Variants in GAB3 observed in about 807,000 individuals in gnomAD.
GAB3 encodes GRB2 associated binding protein 3.
Under a neutral mutation model 40.4 loss-of-function variants are expected in GAB3, and 12 were observed. The observed-to-expected ratio is 0.30, with a 90% CI of 0.19 to 0.48. The LOEUF (loss-of-function observed/expected upper bound fraction) is 0.48, where lower values mean the gene tolerates loss of function less well. Among genes scored for constraint, GAB3 ranks in the 20% least tolerant of loss-of-function variants. The pLI is 0.99. For missense variants in GAB3, 381 were observed against 461.9 expected, an observed-to-expected ratio of 0.82 and a Z score of 1.61; for synonymous variants, 154 against 176.7, an observed-to-expected ratio of 0.87 and a Z score of 1.02.
intron 1 of GAB3, among the ~76,000 whole-genome samples, chrX:154,739,767 C>T (rs2071411054): frequency 8.9e-6 from 1 of 111,844 alleles, no homozygotes; most frequent in Non-Finnish European, 1.9e-5. Flanking sequence ...GACTGCATTA[C>T]CTATTTGGTA....
In GAB3 at chrX:154,681,142, T is replaced by C. The variant is rs2070368181; in HGVS notation, c.1531-894A>G. Among the ~76,000 whole-genome samples, 3 of 112,267 alleles carry C rather than the reference T, an allele frequency of 2.7e-5. No individual in the cohort carries two copies. In the South Asian group the frequency reaches 1.1e-3, roughly 41 times the overall value. ...AATAGAATCACTGGGTTATAGGATA[T>C]GAGTATCTTCAACTTTACTAAATAT... On this transcript the variant is annotated intron_variant, in intron 8 of 9. Coordinates refer to ENST00000424127, the MANE Select transcript of GAB3 (RefSeq NM_001081573.3).
Position 154,716,132 on chromosome X carries a change from A to G in GAB3, c.270T>C (p.Thr90=). The part of the protein sequence containing the change: ...FQNNFVFIVK[T]TSRTFYLVAK... ...CCACCAGGTAGAATGTACGGGAAGTAGTCTTGACAATGAACACGAAATTAT... is the reference window on the plus strand; with the variant it reads ...CCACCAGGTAGAATGTACGGGAAGTGGTCTTGACAATGAACACGAAATTAT... Residue 90 remains threonine (T), a synonymous_variant, in exon 2 of 10, where the codon ACT becomes ACC. Coordinates refer to ENST00000424127, the MANE Select transcript of GAB3 (RefSeq NM_001081573.3). 2.5e-6 allele frequency: 3 copies of G among 1,212,002 alleles called. No individual in the cohort carries two copies. The South Asian group carries it at 5.3e-5, about 21-fold the overall frequency.
At chrX:154,721,530 T>C (rs1212099414) in intron 1 of GAB3, among the ~76,000 whole-genome samples, 1 of 112,116 alleles carries the variant, frequency 8.9e-6, no homozygotes, top group Non-Finnish European at 1.9e-5. Context: ...AACCCATTCA[T>C]GAGGGCTGAC....
chrX:154,708,302 G>A (rs1334747924), intron 4 of GAB3, among the ~76,000 whole-genome samples: 1 of 112,241 alleles, frequency 8.9e-6, no homozygotes, highest in Non-Finnish European at 1.9e-5. Flanking sequence ...AAAGCTCATT[G>A]ACATTGGTAT....
intron 8 of GAB3, among the ~76,000 whole-genome samples, chrX:154,684,405 T>G (rs1419602024): frequency 9.0e-6 from 1 of 111,559 alleles, no homozygotes; most frequent in Non-Finnish European, 1.9e-5. Context: ...TCTACTTGAG[T>G]CAATTTCTGA....
At chrX:154,717,453 G>C (rs781913670) in intron 1 of GAB3, among the ~76,000 whole-genome samples, 3 of 111,883 alleles carry the variant, frequency 2.7e-5, no homozygotes, top group African/African-American at 9.7e-5. Flanking sequence ...AAAACAAAAA[G>C]GAATTTTCCT....
intron 8 of GAB3, among the ~76,000 whole-genome samples, chrX:154,694,896 G>A (rs2070631785): frequency 8.9e-6 from 1 of 112,116 alleles, no homozygotes; most frequent in African/African-American, 3.2e-5. Flanking sequence ...GAAATATTGG[G>A]AAGACCATAA....
Position 154,696,027 on chromosome X carries a change from T to C in GAB3, c.1428-8A>G. On this transcript the variant is annotated splice_region_variant and splice_polypyrimidine_tract_variant and intron_variant, in intron 7 of 9. Transcript: ENST00000424127. ...AGAAAGCTGGTTCGACTGCTAAGAA[T>C]AAAAATATAGATGAGGTCAAAGCAA... is the stretch of plus-strand genomic sequence containing the variant. The C allele has an allele frequency of 1.0e-5, 11 of 1,090,877 alleles. No individual in the cohort carries two copies. Among genetic ancestry groups the C allele is most frequent in the Non-Finnish European group, 1.1e-5 (9 of 790,063 alleles). The allele number at this position is 1,090,877 out of a possible 1,213,427, so 89.9% of individuals were successfully genotyped here.
In GAB3 at chrX:154,716,022, T is replaced by C; in HGVS notation, c.376+4A>G. ...GCACATGGGAGCCCCAACTCCGCTC[T>C]TACCTGCACCATCCTCCAGGTGGCC... is the stretch of plus-strand genomic sequence containing the variant. On this transcript the variant is annotated splice_donor_region_variant and intron_variant, in intron 2 of 9. Coordinates refer to ENST00000424127, the MANE Select transcript of GAB3 (RefSeq NM_001081573.3). 8.3e-7 allele frequency: 1 copy of C among 1,204,567 alleles called. No individual in the cohort carries two copies. The highest frequency in any genetic ancestry group is 1.7e-5 in the African/African-American group (1 of 57,904).
chrX:154,684,260 A>G (rs782203794), intron 8 of GAB3, among the ~76,000 whole-genome samples: 1 of 112,195 alleles, frequency 8.9e-6, no homozygotes, highest in Non-Finnish European at 1.9e-5. Flanking sequence ...AGGTGTTTAT[A>G]TAAGATTGCA....
intron 4 of GAB3, among the ~76,000 whole-genome samples, chrX:154,704,291 T>C: frequency 9.0e-6 from 1 of 111,003 alleles, no homozygotes; most frequent in Non-Finnish European, 1.9e-5. Context: ...GTGGGGATGG[T>C]TAATAGATAC....
chrX:154,714,006 G>C (rs1479470005), intron 2 of GAB3, among the ~76,000 whole-genome samples: 1 of 107,054 alleles, frequency 9.3e-6, no homozygotes, highest in African/African-American at 3.4e-5. Context: ...CATAAATAAA[G>C]AGTCCTGTTC....
At chrX:154,704,067 G>T (rs1423328653) in intron 4 of GAB3, among the ~76,000 whole-genome samples, 1 of 111,921 alleles carries the variant, frequency 8.9e-6, no homozygotes, top group Non-Finnish European at 1.9e-5. Context: ...CCATAAAAAA[G>T]AATGAGATCC....
intron 1 of GAB3, among the ~76,000 whole-genome samples, chrX:154,748,869 C>A (rs1287859348): frequency 1.8e-5 from 2 of 112,039 alleles, no homozygotes; most frequent in Non-Finnish European, 3.8e-5. Context: ...GCAGCTGTAA[C>A]AGCCCTATCC....
At chrX:154,709,195 CTTCTTCCATGATTGTAAG>C (rs1193277622) in intron 4 of GAB3, among the ~76,000 whole-genome samples, 1 of 111,363 alleles carries the variant, frequency 9.0e-6, no homozygotes, top group African/African-American at 3.3e-5. Flanking sequence ...TCCTCTTTGT[CTTCTTCCATGATTGTAAG>C]TTTCCTGAGG....
chrX:154,718,113 A>T (rs782700958), intron 1 of GAB3, among the ~76,000 whole-genome samples: 103 of 110,892 alleles, frequency 9.3e-4, no homozygotes, highest in Non-Finnish European at 1.6e-3. Flanking sequence ...TATGTGTGAT[A>T]CTTTTTAAGC....
chrX:154,722,390 A>G (rs1364592976), intron 1 of GAB3, among the ~76,000 whole-genome samples: 1 of 112,033 alleles, frequency 8.9e-6, no homozygotes, highest in Non-Finnish European at 1.9e-5. Flanking sequence ...TGAGGACTGC[A>G]GCTAAAGATC....
intron 4 of GAB3, among the ~76,000 whole-genome samples, chrX:154,711,622 A>C (rs2070947774): frequency 8.9e-6 from 1 of 112,203 alleles, no homozygotes; most frequent in Non-Finnish European, 1.9e-5. Flanking sequence ...ATTTGGAAAG[A>C]ACAAGTCTAG....
intron 8 of GAB3, among the ~76,000 whole-genome samples, chrX:154,694,391 GT>G (rs781950607): frequency 6.2e-4 from 62 of 100,085 alleles, no homozygotes; most frequent in Middle Eastern, 9.9e-3. Context: ...ATCTTTCTCT[GT>G]TTTTTTTTTT....
Sources: allele counts gnomAD v4.1 joint callset (sites outside exome capture counted in the v4.1 genomes callset), GRCh38; gene constraint gnomAD v4.1.1; transcripts MANE v1.5; gene names NCBI Gene and HGNC (gene_info 2026-07-23, HGNC 2026-07-21).